MARCHF1: variants seen among roughly 807,000 people sequenced by gnomAD.
MARCHF1 encodes E3 ubiquitin-protein ligase MARCHF1.
Under a neutral mutation model 54.2 loss-of-function variants are expected in MARCHF1, and 40 were observed. The observed-to-expected ratio is 0.74, with a 90% CI of 0.57 to 0.96. MARCHF1 has a LOEUF of 0.96. MARCHF1 is among the 40% of genes least tolerant of loss of function. The probability of loss-of-function intolerance (pLI) is 0.00; values close to 1 mark genes in which losing one functional copy is unlikely to be tolerated. For missense variants in MARCHF1, 586 were observed against 656.5 expected (o/e 0.89, Z 1.17); for synonymous variants, 236 against 236.3 (o/e 1.00, Z 0.01).
chr4:163,978,610 T>C (rs1353435703), intron 3 of MARCHF1, among the ~76,000 whole-genome samples: 1 of 152,162 alleles, frequency 6.6e-6, no homozygotes, highest in African/African-American at 2.4e-5. Flanking sequence ...ACCCAGTCAG[T>C]CTTCTTCCAG....
intron 3 of MARCHF1, among the ~76,000 whole-genome samples, chr4:163,881,637 A>G (rs1231665554): frequency 6.7e-6 from 1 of 149,930 alleles, no homozygotes; most frequent in Admixed American, 6.7e-5. Flanking sequence ...GAAGAGAGGT[A>G]TAAACTAACT....
At chr4:164,192,365 A>G (rs960559717) in intron 1 of MARCHF1, among the ~76,000 whole-genome samples, 3 of 152,148 alleles carry the variant, frequency 2.0e-5, no homozygotes, top group Non-Finnish European at 2.9e-5. Context: ...TAAAGCCACA[A>G]ACTGATTAAT....
At chr4:163,602,031 C>A (rs1740989129) in intron 7 of MARCHF1, among the ~76,000 whole-genome samples, 1 of 151,612 alleles carries the variant, frequency 6.6e-6, no homozygotes, top group Non-Finnish European at 1.5e-5. Context: ...AAGAACAAGG[C>A]ATATCTTTAA....
At position 163,996,697 on chromosome 4, in the gene MARCHF1, A is replaced by G. The variant is rs571694472; in HGVS notation, c.-247-7988T>C. Among the ~76,000 whole-genome samples the G allele has an allele frequency of 9.2e-5, 14 of 152,152 alleles. 1 individual carries two copies. Among genetic ancestry groups the G allele is most frequent in the Admixed American group, 2.0e-4 (3 of 15,230 alleles). On this transcript the variant is annotated intron_variant, in intron 2 of 9. Transcript: ENST00000514618. ...TTTAGAATGGTCTTATTAGGTCTACATATATCTATGGTATTTCACCCAGAA... is the reference window on the plus strand; with the variant it reads ...TTTAGAATGGTCTTATTAGGTCTACGTATATCTATGGTATTTCACCCAGAA...
At chr4:163,768,017 T>C (rs1158897122) in intron 4 of MARCHF1, among the ~76,000 whole-genome samples, 4 of 152,206 alleles carry the variant, frequency 2.6e-5, no homozygotes, top group Admixed American at 2.0e-4. Flanking sequence ...CAAGTTTATT[T>C]AGAAAGAGTG....
chr4:163,568,560 T>A (rs1739726331), intron 8 of MARCHF1, among the ~76,000 whole-genome samples: 1 of 152,164 alleles, frequency 6.6e-6, no homozygotes, highest in Non-Finnish European at 1.5e-5. Flanking sequence ...GCCTACCTAT[T>A]AAAGGTGTCT....
chr4:164,017,682 G>A (rs1753573187), intron 2 of MARCHF1, among the ~76,000 whole-genome samples: 2 of 151,732 alleles, frequency 1.3e-5, no homozygotes, highest in South Asian at 2.1e-4. Context: ...ATATATTATT[G>A]TACGTTTATT....
intron 2 of MARCHF1, among the ~76,000 whole-genome samples, chr4:164,063,423 C>T (rs1430995): frequency 0.66 from 100,042 of 152,144 alleles, 34,672 homozygotes; most frequent in Non-Finnish European, 0.78. Flanking sequence ...ACTTGAAGCT[C>T]CACCTTGTAC....
chr4:163,918,304 T>C (rs1751353737), intron 3 of MARCHF1, among the ~76,000 whole-genome samples: 1 of 152,172 alleles, frequency 6.6e-6, no homozygotes, highest in African/African-American at 2.4e-5. Context: ...ATATTTTGGA[T>C]GCAAATTCTT....
intron 1 of MARCHF1, among the ~76,000 whole-genome samples, chr4:164,174,502 TG>T (rs1730611815): frequency 6.6e-6 from 1 of 152,174 alleles, no homozygotes; most frequent in Admixed American, 6.5e-5. Flanking sequence ...AGGGTGATTG[TG>T]GAGTACAAGT....
chr4:163,531,659 AAATGATATGATTATGT>A (rs1738356628), intron 9 of MARCHF1, among the ~76,000 whole-genome samples: 1 of 151,978 alleles, frequency 6.6e-6, no homozygotes, highest in South Asian at 2.1e-4. Flanking sequence ...CTTTGTTCAC[AAATGATATGATTATGT>A]ATAAAATCTC....
chr4:164,295,923 A>G (rs1478354062), intron 1 of MARCHF1, among the ~76,000 whole-genome samples: 1 of 152,178 alleles, frequency 6.6e-6, no homozygotes, highest in Non-Finnish European at 1.5e-5. Flanking sequence ...GTATGAGAGT[A>G]TAAAGAGGAA....
At chr4:163,832,165 CA>C (rs1749043425) in intron 4 of MARCHF1, among the ~76,000 whole-genome samples, 1 of 152,134 alleles carries the variant, frequency 6.6e-6, no homozygotes. Context: ...AGGTACATGA[CA>C]AAAGGAGATG....
chr4:164,295,001 G>C (rs1463158504), intron 1 of MARCHF1, among the ~76,000 whole-genome samples: 1 of 152,012 alleles, frequency 6.6e-6, no homozygotes, highest in Non-Finnish European at 1.5e-5. Flanking sequence ...ATTTGGCATA[G>C]GTAGATTAAC....
intron 4 of MARCHF1, among the ~76,000 whole-genome samples, chr4:163,833,917 G>A (rs947912434): frequency 2.0e-5 from 3 of 152,130 alleles, no homozygotes; most frequent in East Asian, 1.9e-4. Context: ...AGTGAACTAC[G>A]ATTTCATCAT....
rs58855405 is a variant in MARCHF1, at chr4:164,356,780, C to CAAAAAAAAAAAAAAAAAAGCAA, written c.-323+27089_-323+27090insTTGCTTTTTTTTTTTTTTTTTT. ...AAGTATAATAAAAAAAAAAGAAAAGCAAAAAAAAAAAAAATAGTATTGTTA... is the reference window on the plus strand; with the variant it reads ...AAGTATAATAAAAAAAAAAGAAAAGCAAAAAAAAAAAAAAAAAAGCAAAAAAAAAAAAAAAATAGTATTGTTA... On this transcript the variant is annotated intron_variant, in intron 1 of 9. Transcript: ENST00000514618. Among the ~76,000 whole-genome samples the CAAAAAAAAAAAAAAAAAAGCAA allele has an allele frequency of 2.8e-4, 29 of 103,196 alleles. No individual in the cohort carries two copies. In the South Asian group the frequency reaches 8.5e-3, roughly 30 times the overall value. The allele number at this position is 103,196 out of a possible 152,430, so 67.7% of individuals were successfully genotyped here. A position where few individuals can be genotyped will look rare whatever the true frequency, so the allele number is the denominator to read the frequency against.
chr4:164,356,548 T>C (rs988916719), intron 1 of MARCHF1, among the ~76,000 whole-genome samples: 3 of 128,306 alleles, frequency 2.3e-5, no homozygotes, highest in African/African-American at 8.3e-5. Context: ...TTCTCACTCA[T>C]AGGTGGGAAT....
chr4:163,677,304 C>T (rs1319913876), intron 5 of MARCHF1, among the ~76,000 whole-genome samples: 1 of 143,010 alleles, frequency 7.0e-6, no homozygotes, highest in Non-Finnish European at 1.5e-5. Flanking sequence ...CCAGAAGGTT[C>T]TGCAAGTCTC....
chr4:163,628,363 T>C (rs1437968652), intron 5 of MARCHF1, among the ~76,000 whole-genome samples: 2 of 152,080 alleles, frequency 1.3e-5, no homozygotes, highest in Non-Finnish European at 2.9e-5. Context: ...CATGCTAAAA[T>C]CTCTCAATAA....
Sources: allele counts gnomAD v4.1 joint callset (sites outside exome capture counted in the v4.1 genomes callset), GRCh38; gene constraint gnomAD v4.1.1; transcripts MANE v1.5; gene names NCBI Gene and HGNC (gene_info 2026-07-23, HGNC 2026-07-21).